DISC1: variants seen among roughly 807,000 people sequenced by gnomAD.
The protein encoded by DISC1 is DISC1 scaffold protein, also known as disrupted in schizophrenia 1 protein.
Under a neutral mutation model 84.5 loss-of-function variants are expected in DISC1, and 57 were observed. The ratio of observed to expected loss-of-function variants is 0.67; its 90% CI spans 0.55 to 0.84. The LOEUF is 0.84. Among genes scored for constraint, DISC1 ranks in the 40% least tolerant of loss-of-function variants. The probability of loss-of-function intolerance (pLI) is 0.00; values close to 1 mark genes in which losing one functional copy is unlikely to be tolerated. For missense variants in DISC1, 1,000 were observed against 1,057.8 expected, an observed-to-expected ratio of 0.95 and a Z score of 0.76; for synonymous variants, 411 against 415.2, an observed-to-expected ratio of 0.99 and a Z score of 0.12.
At chr1:231,633,080 C>G (rs1326557354) in intron 1 of DISC1, among the ~76,000 whole-genome samples, 1 of 152,052 alleles carries the variant, frequency 6.6e-6, no homozygotes, top group Non-Finnish European at 1.5e-5. Context: ...AAAAAACAAA[C>G]AAACAAAAAA....
At chr1:232,026,783 T>C (rs1312090529) in intron 12 of DISC1, among the ~76,000 whole-genome samples, 1 of 110,472 alleles carries the variant, frequency 9.1e-6, no homozygotes, top group African/African-American at 4.3e-5. Flanking sequence ...TTTTTTTTTT[T>C]TGATGCCTTG....
At chr1:231,824,208 G>A (rs551431250) in intron 9 of DISC1, among the ~76,000 whole-genome samples, 4 of 152,256 alleles carry the variant, frequency 2.6e-5, no homozygotes, top group East Asian at 3.9e-4. Context: ...GGGCCAAGCC[G>A]TCTGCTTTGG....
chr1:231,893,378 A>T (rs1002309518), intron 9 of DISC1, among the ~76,000 whole-genome samples: 5 of 152,210 alleles, frequency 3.3e-5, no homozygotes, highest in African/African-American at 1.2e-4. Context: ...ATCTTAGTTG[A>T]GCAGGCACTT....
intron 1 of DISC1, among the ~76,000 whole-genome samples, chr1:231,656,161 G>A (rs1308294984): frequency 2.6e-5 from 4 of 151,882 alleles, no homozygotes; most frequent in African/African-American, 9.7e-5. Context: ...TCTTTGCCTA[G>A]GCTACTATCC....
chr1:231,847,558 T>C (rs2083550405), intron 9 of DISC1, among the ~76,000 whole-genome samples: 1 of 152,202 alleles, frequency 6.6e-6, no homozygotes, highest in African/African-American at 2.4e-5. Context: ...CCTCTGTTGC[T>C]GTAAGACCTC....
At chr1:231,692,246 C>T (rs1227794521) in intron 1 of DISC1, among the ~76,000 whole-genome samples, 2 of 152,186 alleles carry the variant, frequency 1.3e-5, no homozygotes, top group Admixed American at 6.5e-5. Context: ...ACTTCTTCCA[C>T]CACCACCTCA....
rs556711017 is a variant in DISC1, at chr1:231,901,228, G to A, written c.1982-57600G>A. Among the ~76,000 whole-genome samples, 4 of 152,238 alleles carry A rather than the reference G, an allele frequency of 2.6e-5. No homozygotes were observed. In the East Asian group the frequency reaches 5.8e-4, roughly 22 times the overall value. On this transcript the variant is annotated intron_variant, in intron 9 of 12. Transcript: ENST00000439617. Reference sequence around the variant, plus strand: ...GTCTTCAAACGGCTATCAGAGAAACGTCAATTTCAGAATATGGTTAGATAC... The same window carrying A: ...GTCTTCAAACGGCTATCAGAGAAACATCAATTTCAGAATATGGTTAGATAC...
At chr1:231,814,306 A>G in intron 8 of DISC1, among the ~76,000 whole-genome samples, 1 of 152,228 alleles carries the variant, frequency 6.6e-6, no homozygotes, top group Non-Finnish European at 1.5e-5. Flanking sequence ...AAAAGGAGAC[A>G]ACAATATGAA....
At chr1:231,632,147 C>G (rs1244386738) in intron 1 of DISC1, among the ~76,000 whole-genome samples, 1 of 152,210 alleles carries the variant, frequency 6.6e-6, no homozygotes, top group Non-Finnish European at 1.5e-5. Flanking sequence ...TACAATATAG[C>G]TTAGGTGTGT....
chr1:232,023,418 A>G (rs1384101554), intron 11 of DISC1, among the ~76,000 whole-genome samples: 1 of 152,176 alleles, frequency 6.6e-6, no homozygotes, highest in Non-Finnish European at 1.5e-5. Context: ...GCATTCTTCC[A>G]TGCTTATTAC....
At chr1:231,882,141 G>C (rs2086332912) in intron 9 of DISC1, among the ~76,000 whole-genome samples, 1 of 152,188 alleles carries the variant, frequency 6.6e-6, no homozygotes. Context: ...TATGGGCATA[G>C]CGATTGTTAA....
At chr1:231,920,735 A>G (rs1353583752) in intron 9 of DISC1, among the ~76,000 whole-genome samples, 2 of 152,210 alleles carry the variant, frequency 1.3e-5, no homozygotes, top group Non-Finnish European at 2.9e-5. Context: ...CCACTGGTGC[A>G]TAGGAATAAT....
chr1:231,660,884 G>A (rs998123573), intron 1 of DISC1, among the ~76,000 whole-genome samples: 2 of 152,172 alleles, frequency 1.3e-5, no homozygotes, highest in African/African-American at 4.8e-5. Context: ...GTAGTTCAGT[G>A]TGTTTTTGTA....
At chr1:231,916,366 C>G (rs1049087854) in intron 9 of DISC1, among the ~76,000 whole-genome samples, 1 of 152,120 alleles carries the variant, frequency 6.6e-6, no homozygotes, top group Non-Finnish European at 1.5e-5. Context: ...TATCCACAAT[C>G]TAAATTGTGT....
rs148520287 is a variant in DISC1 at position 231,924,235 on chromosome 1, G to C, written c.1982-34593G>C. On this transcript the variant is annotated intron_variant, in intron 9 of 12. Coordinates refer to ENST00000439617, the MANE Select transcript of DISC1 (RefSeq NM_018662.3). Reference sequence around the variant, plus strand: ...ACAGGGTAAAGCCTGCCTCCTTTGCGGGTCCCATCTGTTCTTGGGAGGACA... The same window carrying C: ...ACAGGGTAAAGCCTGCCTCCTTTGCCGGTCCCATCTGTTCTTGGGAGGACA... 1.5e-3 allele frequency among the ~76,000 whole-genome samples: 230 copies of C among 152,266 alleles called. 2 individuals are homozygous for C. Among genetic ancestry groups the C allele is most frequent in the Admixed American group, 8.4e-3 (128 of 15,292 alleles).
chr1:231,697,651 C>T (rs2065893238), intron 2 of DISC1, among the ~76,000 whole-genome samples: 3 of 145,766 alleles, frequency 2.1e-5, no homozygotes, highest in Non-Finnish European at 1.5e-5. Flanking sequence ...GGTCTTGCCA[C>T]GTTGCCCAAA....
chr1:232,026,383 C>A (rs1353864639), intron 11 of DISC1, 52 bp from the exon 12 acceptor site: 2 of 1,276,172 alleles, frequency 1.6e-6, no homozygotes, highest in African/African-American at 1.5e-5. Context: ...CCTTTGTGTT[C>A]TGTCTGTGTC....
intron 9 of DISC1, among the ~76,000 whole-genome samples, chr1:231,892,048 G>T (rs2087270873): frequency 6.6e-6 from 1 of 152,134 alleles, no homozygotes; most frequent in Admixed American, 6.5e-5. Flanking sequence ...GTCCCTGCTT[G>T]AAAGAGTCTC....
chr1:231,671,018 G>C (rs1050130857), intron 1 of DISC1, among the ~76,000 whole-genome samples: 1 of 152,144 alleles, frequency 6.6e-6, no homozygotes, highest in African/African-American at 2.4e-5. Context: ...GTTACTTGGC[G>C]TTGAATATTG....
Sources: gnomAD v4.1 joint callset for allele counts (sites outside exome capture counted in the v4.1 genomes callset) on GRCh38, gnomAD v4.1.1 for gene constraint, MANE v1.5 for transcripts, NCBI Gene and HGNC (gene_info 2026-07-23, HGNC 2026-07-21) for gene names.